The following THSD4 variants were observed in gnomAD, a reference collection of about 807,000 sequenced individuals.
The protein encoded by THSD4 is thrombospondin type 1 domain containing 4.
Under a neutral mutation model 119.0 loss-of-function variants are expected in THSD4, and 69 were observed. That is an observed-to-expected ratio of 0.58 (90% CI 0.48 to 0.71). THSD4 has a LOEUF of 0.71. Ranked by LOEUF, THSD4 falls within the 30% of genes least tolerant of loss-of-function variation. The pLI is 0.00. For synonymous variants in THSD4, 524 were observed against 540.4 expected, an observed-to-expected ratio of 0.97 and a Z score of 0.42; for missense variants, 1,393 against 1,391.1, an observed-to-expected ratio of 1.00 and a Z score of -0.02.
chr15:71,465,789 T>C (rs2047490753), intron 7 of THSD4, among the ~76,000 whole-genome samples: 1 of 152,210 alleles, frequency 6.6e-6, no homozygotes, highest in Admixed American at 6.5e-5. Flanking sequence ...AGGAAGGCAC[T>C]GGAAAGAATG....
chr15:71,671,954 T>A (rs897734419), intron 8 of THSD4, among the ~76,000 whole-genome samples: 6 of 152,256 alleles, frequency 3.9e-5, no homozygotes, highest in East Asian at 3.9e-4. Flanking sequence ...CTTAGGATTG[T>A]CTTGGCAATG....
intron 8 of THSD4, among the ~76,000 whole-genome samples, chr15:71,692,591 A>G (rs1365651852): frequency 6.6e-6 from 1 of 152,150 alleles, no homozygotes; most frequent in Non-Finnish European, 1.5e-5. Context: ...CCAGAGCCCA[A>G]CTCTCAAGTT....
rs1378111523 is a variant in THSD4, at chr15:71,346,176, G to A, written c.1016-65511G>A. Among the ~76,000 whole-genome samples, 3 of 152,294 alleles carry A rather than the reference G, an allele frequency of 2.0e-5. No individual in the cohort carries two copies. The East Asian group carries it at 5.8e-4, about 29-fold the overall frequency. On this transcript the variant is annotated intron_variant, in intron 6 of 17. Transcript: ENST00000261862. ...TTCTTATTCTCTTGTTGACTTTCGT[G>A]ACATGATCTTGACATGTTTGAAGAA...
intron 5 of THSD4, among the ~76,000 whole-genome samples, chr15:71,245,223 C>T (rs915321588): frequency 2.6e-5 from 4 of 152,196 alleles, no homozygotes; most frequent in Non-Finnish European, 5.9e-5. Context: ...CCTTCTCTTC[C>T]CTGTGACATG....
At chr15:71,477,883 A>G (rs2047675167) in intron 7 of THSD4, among the ~76,000 whole-genome samples, 1 of 152,158 alleles carries the variant, frequency 6.6e-6, no homozygotes, top group Non-Finnish European at 1.5e-5. Flanking sequence ...AATCATAACA[A>G]ACTATCTCAC....
chr15:71,631,130 C>T (rs1231061403), intron 7 of THSD4, among the ~76,000 whole-genome samples: 4 of 152,210 alleles, frequency 2.6e-5, no homozygotes, highest in African/African-American at 9.7e-5. Context: ...GAGGCACAGT[C>T]TGGGTGCCCC....
At chr15:71,194,510 G>A (rs1596261669) in intron 3 of THSD4, among the ~76,000 whole-genome samples, 1 of 152,244 alleles carries the variant, frequency 6.6e-6, no homozygotes, top group East Asian at 1.9e-4. Context: ...GGAGTGTAAG[G>A]GTATAATTTC....
chr15:71,594,628 C>T (rs917026980), intron 7 of THSD4, among the ~76,000 whole-genome samples: 2 of 152,166 alleles, frequency 1.3e-5, no homozygotes, highest in Admixed American at 6.6e-5. Flanking sequence ...CCTGGGGTCT[C>T]AGCTGCTTCC....
Position 71,361,551 on chromosome 15 carries a change from A to G in THSD4, c.1016-50136A>G, listed in dbSNP as rs552846931. Among the ~76,000 whole-genome samples the G allele has an allele frequency of 8.5e-5, 13 of 152,362 alleles. No individual in the cohort carries two copies. In the East Asian group the frequency reaches 1.9e-3, roughly 23 times the overall value. On this transcript the variant is annotated intron_variant, in intron 6 of 17. Coordinates refer to ENST00000261862, the MANE Select transcript of THSD4 (RefSeq NM_024817.3). The stretch of plus-strand genomic sequence containing the variant: ...GGCTTCCTCATACATTTCCAATGGA[A>G]GTGTAATTTGGGGAACTTCTCTGTG...
intron 7 of THSD4, among the ~76,000 whole-genome samples, chr15:71,445,797 T>G (rs2047172272): frequency 6.6e-6 from 1 of 152,248 alleles, no homozygotes; most frequent in Non-Finnish European, 1.5e-5. Flanking sequence ...AAAGTTCTTT[T>G]CAAGGTTGTA....
intron 7 of THSD4, among the ~76,000 whole-genome samples, chr15:71,631,736 C>T (rs968550929): frequency 1.8e-4 from 28 of 152,352 alleles, no homozygotes; most frequent in African/African-American, 6.7e-4. Flanking sequence ...AAATTTGCTT[C>T]TGCAGTGTTG....
chr15:71,663,662 T>C (rs1481238218), intron 8 of THSD4, among the ~76,000 whole-genome samples: 1 of 152,208 alleles, frequency 6.6e-6, no homozygotes, highest in Non-Finnish European at 1.5e-5. Flanking sequence ...TACATGAGAT[T>C]GCTTGAGATC....
chr15:71,182,607 G>C (rs1430265874), intron 3 of THSD4, among the ~76,000 whole-genome samples: 1 of 151,676 alleles, frequency 6.6e-6, no homozygotes, highest in Non-Finnish European at 1.5e-5. Flanking sequence ...TATGTTTCCA[G>C]GCCACATTAC....
intron 6 of THSD4, among the ~76,000 whole-genome samples, chr15:71,400,538 C>T (rs553448187): frequency 2.2e-4 from 34 of 152,260 alleles, no homozygotes; most frequent in Non-Finnish European, 3.1e-4. Flanking sequence ...AGCAATAATA[C>T]GTAGATAATG....
At chr15:71,489,173 A>G (rs1441620977) in intron 7 of THSD4, among the ~76,000 whole-genome samples, 1 of 152,202 alleles carries the variant, frequency 6.6e-6, no homozygotes, top group African/African-American at 2.4e-5. Context: ...TATGTAGCCA[A>G]AAAATAGGGA....
chr15:71,664,603 G>A (rs1374950646), intron 8 of THSD4, among the ~76,000 whole-genome samples: 1 of 151,996 alleles, frequency 6.6e-6, no homozygotes, highest in Non-Finnish European at 1.5e-5. Context: ...TGTCACCCAG[G>A]TACTAAGCCT....
intron 6 of THSD4, among the ~76,000 whole-genome samples, chr15:71,395,829 T>A (rs976730140): frequency 1.3e-5 from 2 of 151,978 alleles, no homozygotes; most frequent in African/African-American, 4.8e-5. Context: ...GAACATTCTT[T>A]TGCTGAAGCC....
At chr15:71,602,650 C>A (rs1395561257) in intron 7 of THSD4, among the ~76,000 whole-genome samples, 1 of 151,390 alleles carries the variant, frequency 6.6e-6, no homozygotes, top group Non-Finnish European at 1.5e-5. Context: ...GTTTAGAGAC[C>A]ACTAAAACCA....
intron 8 of THSD4, among the ~76,000 whole-genome samples, chr15:71,685,101 CAA>C (rs1245443189): frequency 6.6e-6 from 1 of 151,656 alleles, no homozygotes; most frequent in Non-Finnish European, 1.5e-5. Context: ...TGCTTATTTT[CAA>C]AAATGTCTTG....
Sources: allele counts gnomAD v4.1 joint callset (sites outside exome capture counted in the v4.1 genomes callset), GRCh38; gene constraint gnomAD v4.1.1; transcripts MANE v1.5; gene names NCBI Gene and HGNC (gene_info 2026-07-23, HGNC 2026-07-21).